MAGI2: variants seen among roughly 807,000 people sequenced by gnomAD.
The protein encoded by MAGI2 is membrane-associated guanylate kinase, WW and PDZ domain-containing protein 2.
A neutral mutation model predicts 133.3 loss-of-function variants in MAGI2; 35 were observed. The ratio of observed to expected loss-of-function variants is 0.26; its 90% confidence interval spans 0.20 to 0.35. The LOEUF is 0.35. Ranked by LOEUF, MAGI2 falls within the 10% of genes least tolerant of loss-of-function variation. The pLI, the probability that MAGI2 is intolerant of heterozygous loss-of-function variation, is 1.00. For missense variants in MAGI2, 1,636 were observed against 1,863.4 expected, an observed-to-expected ratio of 0.88 and a Z score of 2.25; for synonymous variants, 729 against 710.6, an observed-to-expected ratio of 1.03 and a Z score of -0.41.
chr7:78,153,117 C>A (rs1291562931), intron 16 of MAGI2, among the ~76,000 whole-genome samples: 1 of 152,142 alleles, frequency 6.6e-6, no homozygotes, highest in East Asian at 1.9e-4. Flanking sequence ...ATAGAGAAGG[C>A]TAAGGCACTA....
chr7:78,077,746 T>TTTTTC (rs1473877873), intron 21 of MAGI2, among the ~76,000 whole-genome samples: 1 of 148,978 alleles, frequency 6.7e-6, no homozygotes, highest in Non-Finnish European at 1.5e-5. Context: ...TTTTTTTTTT[T>TTTTTC]GAGACAGAGT....
At chr7:79,424,413 G>C (rs1847193969) in intron 1 of MAGI2, among the ~76,000 whole-genome samples, 1 of 152,038 alleles carries the variant, frequency 6.6e-6, no homozygotes, top group Non-Finnish European at 1.5e-5. Flanking sequence ...CTGGTGGTTA[G>C]TGGGAAGGGG....
chr7:78,315,807 A>G lies in MAGI2; in HGVS notation c.1408+27971T>C, dbSNP rs371272070. 7.6e-4 allele frequency among the ~76,000 whole-genome samples: 116 copies of G among 152,312 alleles called. 2 individuals are homozygous for G. The South Asian group carries it at 0.023, about 30-fold the overall frequency. On this transcript the variant is annotated intron_variant, in intron 9 of 21. Coordinates refer to ENST00000354212, the MANE Select transcript of MAGI2 (RefSeq NM_012301.4). Reference sequence around the variant, plus strand: ...TTATAGGTAGTAAGTTTCTACCTTTAGAATTCATTTGCAGGTGTATAAACA... The same window carrying G: ...TTATAGGTAGTAAGTTTCTACCTTTGGAATTCATTTGCAGGTGTATAAACA...
intron 2 of MAGI2, among the ~76,000 whole-genome samples, chr7:78,950,405 T>G (rs1449322272): frequency 6.6e-6 from 1 of 152,210 alleles, no homozygotes; most frequent in South Asian, 2.1e-4. Flanking sequence ...TCCATATTTA[T>G]TAAGACTTTA....
chr7:78,289,150 A>C (rs1796446108), intron 9 of MAGI2, among the ~76,000 whole-genome samples: 1 of 152,206 alleles, frequency 6.6e-6, no homozygotes, highest in Non-Finnish European at 1.5e-5. Flanking sequence ...CGGTAATAAC[A>C]AAATTCTCCA....
intron 2 of MAGI2, among the ~76,000 whole-genome samples, chr7:78,791,666 C>T (rs962355009): frequency 6.6e-6 from 1 of 151,814 alleles, no homozygotes; most frequent in African/African-American, 2.4e-5. Flanking sequence ...TCTCCTGCCT[C>T]AGCCTCCCGA....
At chr7:79,407,987 A>T (rs1845921450) in intron 1 of MAGI2, among the ~76,000 whole-genome samples, 1 of 152,142 alleles carries the variant, frequency 6.6e-6, no homozygotes, top group Admixed American at 6.6e-5. Flanking sequence ...TTAGCCCTCA[A>T]ATGATATTTG....
chr7:78,489,852 A>G lies in MAGI2; in HGVS notation c.966-12T>C. 6.2e-7 allele frequency: 1 copy of G among 1,605,506 alleles called. No homozygotes were observed. The highest frequency in any genetic ancestry group is 8.5e-7 in the Non-Finnish European group (1 of 1,172,980). On this transcript the variant is annotated splice_polypyrimidine_tract_variant and intron_variant, in intron 5 of 21. Coordinates refer to ENST00000354212, the MANE Select transcript of MAGI2 (RefSeq NM_012301.4). Reference sequence around the variant, plus strand: ...TCTTTGTGTTATGGCTGAAAAGAAAAGAGATCACTCTGAACAGACACATAC... The same window carrying G: ...TCTTTGTGTTATGGCTGAAAAGAAAGGAGATCACTCTGAACAGACACATAC...
chr7:78,952,282 A>G (rs1421480544), intron 2 of MAGI2, among the ~76,000 whole-genome samples: 1 of 152,006 alleles, frequency 6.6e-6, no homozygotes, highest in East Asian at 1.9e-4. Context: ...TTTCCAAGTG[A>G]CTCTGATATG....
chr7:78,340,418 A>T (rs937411180), intron 9 of MAGI2, among the ~76,000 whole-genome samples: 18 of 152,152 alleles, frequency 1.2e-4, no homozygotes, highest in African/African-American at 3.9e-4. Flanking sequence ...ACTATTCCAA[A>T]CAATAGAAAA....
intron 2 of MAGI2, among the ~76,000 whole-genome samples, chr7:78,718,225 T>G (rs938036635): frequency 6.6e-6 from 1 of 152,116 alleles, no homozygotes; most frequent in Non-Finnish European, 1.5e-5. Flanking sequence ...GTGGCAGGAA[T>G]AAATACCATT....
intron 2 of MAGI2, among the ~76,000 whole-genome samples, chr7:78,765,631 G>C (rs2210115): frequency 6.6e-6 from 1 of 151,776 alleles, no homozygotes; most frequent in African/African-American, 2.4e-5. Flanking sequence ...ACGGGTGTGA[G>C]CCATAACGCC....
intron 1 of MAGI2, among the ~76,000 whole-genome samples, chr7:79,116,129 T>C (rs1819393071): frequency 6.6e-6 from 1 of 152,114 alleles, no homozygotes; most frequent in Non-Finnish European, 1.5e-5. Context: ...GAGCTAAAGA[T>C]TGAAGGGACA....
rs1029827299 is a variant in MAGI2 at position 78,018,359 on chromosome 7, A to G, written c.*956T>C. On this transcript the variant is annotated 3_prime_UTR_variant, in exon 22 of 22. Coordinates refer to ENST00000354212, the MANE Select transcript of MAGI2 (RefSeq NM_012301.4). Reference sequence around the variant, plus strand: ...TGGAGACAGGGTTTAAAATAAGACAATAAAATAAGTGAAATCACATTGCTG... The same window carrying G: ...TGGAGACAGGGTTTAAAATAAGACAGTAAAATAAGTGAAATCACATTGCTG... The G allele has an allele frequency of 6.6e-6, 1 of 152,580 alleles. No homozygotes were observed. Among genetic ancestry groups the G allele is most frequent in the Admixed American group, 6.5e-5 (1 of 15,282 alleles). The allele number at this position is 152,580 out of a possible 1,614,324, so 9.5% of individuals were successfully genotyped here.
intron 1 of MAGI2, among the ~76,000 whole-genome samples, chr7:79,194,205 G>C (rs1427468789): frequency 6.6e-6 from 1 of 151,892 alleles, no homozygotes; most frequent in African/African-American, 2.4e-5. Flanking sequence ...ATTCATCGAA[G>C]ATTTATAAGA....
chr7:78,962,724 C>G (rs1293399085), intron 2 of MAGI2, among the ~76,000 whole-genome samples: 1 of 151,808 alleles, frequency 6.6e-6, no homozygotes, highest in African/African-American at 2.4e-5. Context: ...AGTCATTATT[C>G]AATTCATTTA....
At chr7:78,813,168 A>C (rs548890070) in intron 2 of MAGI2, among the ~76,000 whole-genome samples, 80 of 152,354 alleles carry the variant, frequency 5.3e-4, no homozygotes, top group African/African-American at 1.9e-3. Context: ...ACTATTCCAG[A>C]AAGTACAATA....
At chr7:78,548,368 A>C (rs1799046988) in intron 3 of MAGI2, among the ~76,000 whole-genome samples, 2 of 152,152 alleles carry the variant, frequency 1.3e-5, no homozygotes, top group African/African-American at 4.8e-5. Context: ...TCTAAAGGCT[A>C]CTCCACAGGA....
intron 2 of MAGI2, among the ~76,000 whole-genome samples, chr7:78,685,482 A>G (rs1000761980): frequency 5.4e-5 from 8 of 147,178 alleles, no homozygotes; most frequent in African/African-American, 2.0e-4. Context: ...TTTTTTTTTA[A>G]CAGCCCCACG....
Sources: allele counts gnomAD v4.1 joint callset (sites outside exome capture counted in the v4.1 genomes callset), GRCh38; gene constraint gnomAD v4.1.1; transcripts MANE v1.5; gene names NCBI Gene and HGNC (gene_info 2026-07-23, HGNC 2026-07-21).